Variants in RALGAPA2 observed in about 807,000 individuals in gnomAD.
RALGAPA2 encodes Ral GTPase activating protein catalytic subunit alpha 2.
Under a neutral mutation model 230.4 loss-of-function variants are expected in RALGAPA2, and 139 were observed. The observed-to-expected ratio is 0.60, with a 90% CI of 0.53 to 0.69. RALGAPA2 has a LOEUF of 0.69. Ranked by LOEUF, RALGAPA2 falls within the 30% of genes least tolerant of loss-of-function variation. The probability of loss-of-function intolerance (pLI) is 0.00; values close to 1 mark genes in which losing one functional copy is unlikely to be tolerated. For synonymous variants in RALGAPA2, 847 were observed against 837.8 expected (o/e 1.01, Z -0.19); for missense variants, 2,163 against 2,276.0 (o/e 0.95, Z 1.01).
rs1370257268 is a variant in RALGAPA2, at chr20:20,616,109, G to A, written c.1622C>T (p.Ala541Val). 1.3e-6 allele frequency: 2 copies of A among 1,556,410 alleles called. No homozygotes were observed. The highest frequency in any genetic ancestry group is 2.7e-5 in the African/African-American group (2 of 73,694). Residue 541 changes from alanine (A) to valine (V), a missense_variant, in exon 13 of 40, where the codon GCT becomes GTT. By Grantham distance (64) the Ala-to-Val change is moderately conservative. Coordinates refer to ENST00000202677, the MANE Select transcript of RALGAPA2 (RefSeq NM_020343.4). ...VPVLLKEQVD[A>V]CKAVLIIFRR... is the part of the protein sequence containing the mutation. ...AAAAATAATCAAAACAGCTTTACAAGCATCAACTTGTTCTTTCAAGAGCAC... is the reference window on the plus strand; with the variant it reads ...AAAAATAATCAAAACAGCTTTACAAACATCAACTTGTTCTTTCAAGAGCAC...
chr20:20,498,575 T>A (rs991720207), intron 35 of RALGAPA2, among the ~76,000 whole-genome samples: 4 of 152,170 alleles, frequency 2.6e-5, no homozygotes, highest in African/African-American at 9.7e-5. Flanking sequence ...GAATTCCTGC[T>A]CCTCAGTGGG....
intron 17 of RALGAPA2, among the ~76,000 whole-genome samples, chr20:20,589,595 G>C (rs1269306849): frequency 6.6e-6 from 1 of 152,064 alleles, no homozygotes; most frequent in Non-Finnish European, 1.5e-5. Context: ...ACTGTTCACT[G>C]TGGCCAACAG....
At chr20:20,469,079 T>C (rs1172387362) in intron 37 of RALGAPA2, among the ~76,000 whole-genome samples, 5 of 152,128 alleles carry the variant, frequency 3.3e-5, no homozygotes, top group African/African-American at 1.2e-4. Flanking sequence ...TGAACAAACA[T>C]TGGCCCCTCA....
At chr20:20,537,619 CAAAAA>C (rs373034061) in intron 24 of RALGAPA2, among the ~76,000 whole-genome samples, 1 of 41,090 alleles carries the variant, frequency 2.4e-5, no homozygotes. Context: ...GACTCCATCT[CAAAAA>C]AAAAAAAAAA....
intron 20 of RALGAPA2, among the ~76,000 whole-genome samples, chr20:20,575,097 T>C (rs776454920): frequency 4.6e-5 from 7 of 152,194 alleles, no homozygotes; most frequent in Non-Finnish European, 1.0e-4. Context: ...CTGGTGCTTC[T>C]TCATCTCACA....
intron 23 of RALGAPA2, among the ~76,000 whole-genome samples, chr20:20,566,704 C>A (rs889106604): frequency 6.6e-6 from 1 of 152,142 alleles, no homozygotes; most frequent in Non-Finnish European, 1.5e-5. Context: ...TATCCTCATT[C>A]GATAGATAAG....
Position 20,589,380 on chromosome 20 carries a change from G to C in RALGAPA2, c.2342-15C>G. 1 of 1,569,540 alleles carries C rather than the reference G, an allele frequency of 6.4e-7. No homozygotes were observed. ...TGCCTTTTGACCTAGAAATGGTGGG[G>C]CAGGGGGGTAGCGGAAATAGAAGGA... On this transcript the variant is annotated splice_polypyrimidine_tract_variant and intron_variant, in intron 17 of 39. Coordinates refer to ENST00000202677, the MANE Select transcript of RALGAPA2 (RefSeq NM_020343.4).
intron 38 of RALGAPA2, among the ~76,000 whole-genome samples, chr20:20,406,215 A>G (rs2059942619): frequency 6.6e-6 from 1 of 152,136 alleles, no homozygotes; most frequent in African/African-American, 2.4e-5. Context: ...ACCCCAGACC[A>G]ATAAATCCGA....
Position 20,495,255 on chromosome 20 carries a change from G to A in RALGAPA2, c.5229C>T (p.Asp1743=), listed in dbSNP as rs778781990. Reference sequence around the variant, plus strand: ...GTTCAGACCAGACGATATGGACCTCGTCATTCCCCAAGTGACGAAGCTGCA... The same window carrying A: ...GTTCAGACCAGACGATATGGACCTCATCATTCCCCAAGTGACGAAGCTGCA... ...LTKKLRHLGN[D]EVHIVWSEHS... Residue 1743 remains aspartate (D), a synonymous_variant, in exon 36 of 40, where the codon GAC becomes GAT. Transcript: ENST00000202677. The A allele has an allele frequency of 2.0e-6, 3 of 1,531,958 alleles. No homozygotes were observed. The highest frequency in any genetic ancestry group is 1.7e-4 in the Middle Eastern group (1 of 5,764). The allele number at this position is 1,531,958 out of a possible 1,614,324, so 94.9% of individuals were successfully genotyped here.
At chr20:20,396,816 T>C (rs2059729964) in intron 38 of RALGAPA2, 82 bp from the exon 39 acceptor site, 2 of 1,182,718 alleles carry the variant, frequency 1.7e-6, no homozygotes, top group South Asian at 2.5e-5. Flanking sequence ...ACAGTGCTAA[T>C]AATACATTTA....
intron 2 of RALGAPA2, among the ~76,000 whole-genome samples, chr20:20,676,889 TACAA>T (rs2068343204): frequency 1.3e-5 from 2 of 152,174 alleles, no homozygotes; most frequent in Admixed American, 6.5e-5. Context: ...AGGCCTCTCT[TACAA>T]ACACTCAAAT....
Position 20,583,078 on chromosome 20 carries a change from C to T in RALGAPA2, c.2679G>A (p.Leu893=). 6.2e-7 allele frequency: 1 copy of T among 1,613,500 alleles called. No homozygotes were observed. Among genetic ancestry groups the T allele is most frequent in the Non-Finnish European group, 8.5e-7 (1 of 1,179,700 alleles). Residue 893 remains leucine, a synonymous_variant, in exon 20 of 40, where the codon CTG becomes CTA. Transcript: ENST00000202677. ...TTAAATTTGAAGCATCGGTGGGACT[C>T]AGTTGTAACCAATGACGGGCATCAG... ...ADADARHWLQ[L]SPTDASNLTD... is the part of the protein sequence containing the mutation.
chr20:20,631,925 C>T (rs567042332), intron 9 of RALGAPA2, among the ~76,000 whole-genome samples: 55 of 152,298 alleles, frequency 3.6e-4, no homozygotes, highest in Admixed American at 9.1e-4. Flanking sequence ...CTCCCATGCA[C>T]CTCAACTGAC....
chr20:20,395,543 G>T, intron 39 of RALGAPA2, among the ~76,000 whole-genome samples: 1 of 152,342 alleles, frequency 6.6e-6, no homozygotes, highest in East Asian at 1.9e-4. Flanking sequence ...AAGGTGCCCT[G>T]CTGGGAGGGG....
At chr20:20,566,867 CA>C (rs1314198107) in intron 23 of RALGAPA2, among the ~76,000 whole-genome samples, 1 of 152,120 alleles carries the variant, frequency 6.6e-6, no homozygotes, top group Non-Finnish European at 1.5e-5. Context: ...TGTTATGATC[CA>C]AATATGTTAC....
At chr20:20,642,134 G>GAGGGT (rs2067053519) in intron 5 of RALGAPA2, among the ~76,000 whole-genome samples, 1 of 47,540 alleles carries the variant, frequency 2.1e-5, no homozygotes, top group Non-Finnish European at 3.9e-5. Flanking sequence ...GAGGGGAGGG[G>GAGGGT]AGGGGAGAGA....
At chr20:20,457,463 A>C (rs2061149384) in intron 37 of RALGAPA2, among the ~76,000 whole-genome samples, 1 of 152,216 alleles carries the variant, frequency 6.6e-6, no homozygotes. Context: ...TTTTATGGAA[A>C]GACAAATGTC....
chr20:20,556,515 C>A (rs2064087353), intron 23 of RALGAPA2, among the ~76,000 whole-genome samples: 1 of 151,564 alleles, frequency 6.6e-6, no homozygotes, highest in Non-Finnish European at 1.5e-5. Context: ...TAATGACTGT[C>A]TTAGTCATGA....
At chr20:20,549,535 T>C (rs1304128009) in intron 23 of RALGAPA2, among the ~76,000 whole-genome samples, 3 of 151,792 alleles carry the variant, frequency 2.0e-5, no homozygotes, top group Admixed American at 6.6e-5. Context: ...GGAGGGTAAA[T>C]GGGGGGGTTA....
Sources: gnomAD v4.1 joint callset for allele counts (sites outside exome capture counted in the v4.1 genomes callset) on GRCh38, gnomAD v4.1.1 for gene constraint, MANE v1.5 for transcripts, NCBI Gene and HGNC (gene_info 2026-07-23, HGNC 2026-07-21) for gene names.